SDHB: variants seen among roughly 807,000 people sequenced by gnomAD.
SDHB encodes the protein succinate dehydrogenase complex iron sulfur subunit B.
Under a neutral mutation model 39.7 loss-of-function variants are expected in SDHB, and 21 were observed. The observed-to-expected ratio is 0.53, with a 90% CI of 0.37 to 0.76. SDHB has a LOEUF of 0.76. Ranked by LOEUF, SDHB falls within the 30% of genes least tolerant of loss-of-function variation. The pLI, the probability that SDHB is intolerant of heterozygous loss-of-function variation, is 0.00. For synonymous variants in SDHB, 118 were observed against 117.0 expected, an observed-to-expected ratio of 1.01 and a Z score of -0.06; for missense variants, 343 against 350.9, an observed-to-expected ratio of 0.98 and a Z score of 0.18.
chr1:17,037,737 G>A (rs964860604), intron 2 of SDHB, among the ~76,000 whole-genome samples: 2 of 152,042 alleles, frequency 1.3e-5, no homozygotes, highest in African/African-American at 4.8e-5. Flanking sequence ...GATTACAGGC[G>A]TGAGCCATCG....
intron 1 of SDHB, 167 bp from the exon 2 acceptor site, chr1:17,045,055 ATC>A (rs2078102086): frequency 7.8e-6 from 5 of 641,876 alleles, no homozygotes; most frequent in Non-Finnish European, 1.4e-5. Context: ...TTAAGCACCT[ATC>A]ATATGCTAAT....
intron 3 of SDHB, among the ~76,000 whole-genome samples, chr1:17,029,102 T>TTG (rs1158038280): frequency 1.4e-5 from 2 of 140,578 alleles, no homozygotes; most frequent in African/African-American, 5.3e-5. Context: ...TGTTTTTTTT[T>TTG]TTTTTTTTTT....
At position 17,044,871 on chromosome 1, in the gene SDHB, C is replaced by T. The variant is rs749662497; in HGVS notation, c.90G>A (p.Gln30=). The T allele has an allele frequency of 1.2e-6, 2 of 1,613,852 alleles. No individual in the cohort carries two copies. Among genetic ancestry groups the T allele is most frequent in the South Asian group, 2.2e-5 (2 of 91,062 alleles). ...GACLQASRGA[Q]TAAATAPRIK... ...TACGGGGAGCTGTGGCTGCAGCTGT[C>T]TGGGCTCCTCGGGAGGCCTGAAATT... Residue 30 remains glutamine, a synonymous_variant, in exon 2 of 8, where the codon CAG becomes CAA. Transcript: ENST00000375499.
chr1:17,033,978 A>T (rs539267071), intron 2 of SDHB, among the ~76,000 whole-genome samples: 7 of 152,208 alleles, frequency 4.6e-5, no homozygotes, highest in Non-Finnish European at 7.3e-5. Flanking sequence ...GTTACTGTGA[A>T]AATTACATAA....
intron 1 of SDHB, among the ~76,000 whole-genome samples, chr1:17,050,172 T>C (rs2078137265): frequency 6.6e-6 from 1 of 152,208 alleles, no homozygotes; most frequent in African/African-American, 2.4e-5. Context: ...TAAGTTTGTA[T>C]TAGAGCTAAT....
At chr1:17,042,958 T>TTTTTG (rs2078089558) in intron 2 of SDHB, among the ~76,000 whole-genome samples, 1 of 115,058 alleles carries the variant, frequency 8.7e-6, no homozygotes, top group Non-Finnish European at 1.9e-5. Flanking sequence ...TTATGAGTTT[T>TTTTTG]TTTTTTTTTT....
At chr1:17,023,638 C>G (rs1044709644) in intron 6 of SDHB, among the ~76,000 whole-genome samples, 1 of 152,198 alleles carries the variant, frequency 6.6e-6, no homozygotes, top group East Asian at 1.9e-4. Flanking sequence ...CCCCTGCTTG[C>G]TCGCTACAAG....
chr1:17,049,677 T>TTTTTTTG (rs1009759642), intron 1 of SDHB, among the ~76,000 whole-genome samples: 1 of 108,982 alleles, frequency 9.2e-6, no homozygotes, highest in African/African-American at 3.1e-5. Flanking sequence ...TTTTTTTTTT[T>TTTTTTTG]GTGAGACAGT....
chr1:17,051,706 G>C (rs939051113), intron 1 of SDHB, among the ~76,000 whole-genome samples: 2 of 149,814 alleles, frequency 1.3e-5, no homozygotes, highest in African/African-American at 4.9e-5. Context: ...GGGAGGGGGG[G>C]TCAAGTTTCT....
intron 2 of SDHB, among the ~76,000 whole-genome samples, chr1:17,041,681 GA>G (rs1183351476): frequency 1.3e-5 from 2 of 151,528 alleles, no homozygotes; most frequent in African/African-American, 2.4e-5. Flanking sequence ...AAATAAAAAA[GA>G]AAAAAAAGAA....
chr1:17,052,522 G>C (rs908861381), intron 1 of SDHB: 4 of 152,216 alleles, frequency 2.6e-5, no homozygotes, highest in African/African-American at 9.6e-5. Context: ...ATTCTTAGAA[G>C]AGGGGCTTGG....
chr1:17,027,303 G>A (rs1273826294), intron 5 of SDHB, among the ~76,000 whole-genome samples: 1 of 152,226 alleles, frequency 6.6e-6, no homozygotes, highest in Non-Finnish European at 1.5e-5. Context: ...CAGAAGTATG[G>A]TGTCAGGAAA....
chr1:17,020,618 C>G (rs1485541670), intron 7 of SDHB, among the ~76,000 whole-genome samples: 4 of 152,228 alleles, frequency 2.6e-5, no homozygotes, highest in African/African-American at 9.6e-5. Flanking sequence ...GGCCCCACCA[C>G]TGAAGATGCT....
intron 6 of SDHB, 36 bp from the exon 7 acceptor site, chr1:17,022,766 C>T (rs376106876): frequency 2.1e-5 from 34 of 1,604,908 alleles, no homozygotes; most frequent in Non-Finnish European, 2.7e-5. Context: ...AGCTGCCAAT[C>T]AACAGGCCAG....
chr1:17,038,077 T>C (rs2078060019), intron 2 of SDHB, among the ~76,000 whole-genome samples: 1 of 151,998 alleles, frequency 6.6e-6, no homozygotes, highest in South Asian at 2.1e-4. Context: ...AGGCGGAGGT[T>C]GCGGTGAGCC....
chr1:17,044,550 T>G (rs1570957744), intron 2 of SDHB, among the ~76,000 whole-genome samples: 1 of 152,284 alleles, frequency 6.6e-6, no homozygotes, highest in East Asian at 1.9e-4. Context: ...GGTCTTGAAC[T>G]CCCAACCTCA....
At chr1:17,040,087 C>G (rs7517571) in intron 2 of SDHB, among the ~76,000 whole-genome samples, 1 of 151,966 alleles carries the variant, frequency 6.6e-6, no homozygotes, top group Non-Finnish European at 1.5e-5. Context: ...TTTTTCTGAA[C>G]GTGGAATTCC....
At chr1:17,038,011 C>T (rs908144151) in intron 2 of SDHB, among the ~76,000 whole-genome samples, 1 of 152,158 alleles carries the variant, frequency 6.6e-6, no homozygotes, top group African/African-American at 2.4e-5. Context: ...TAGTGGCAGG[C>T]GCCTGTAATC....
chr1:17,037,591 G>T (rs1264564134), intron 2 of SDHB, among the ~76,000 whole-genome samples: 1 of 152,112 alleles, frequency 6.6e-6, no homozygotes, highest in African/African-American at 2.4e-5. Flanking sequence ...CAAGAAGCTG[G>T]GATTACAGGT....
Sources: allele counts gnomAD v4.1 joint callset (sites outside exome capture counted in the v4.1 genomes callset), GRCh38; gene constraint gnomAD v4.1.1; transcripts MANE v1.5; gene names NCBI Gene and HGNC (gene_info 2026-07-23, HGNC 2026-07-21).